Variants in NTM observed in about 807,000 individuals in gnomAD.
NTM encodes the protein neurotrimin.
A neutral mutation model predicts 42.1 loss-of-function variants in NTM; 13 were observed. The ratio of observed to expected loss-of-function variants is 0.31; its 90% CI spans 0.20 to 0.49. NTM has a LOEUF of 0.49. Ranked by LOEUF, NTM falls within the 20% of genes least tolerant of loss-of-function variation. NTM has a pLI of 0.99. For synonymous variants in NTM, 187 were observed against 179.2 expected (o/e 1.04, Z -0.35); for missense variants, 373 against 452.8 (o/e 0.82, Z 1.60).
chr11:131,560,926 G>A (rs2056141511), intron 1 of NTM, among the ~76,000 whole-genome samples: 1 of 152,162 alleles, frequency 6.6e-6, no homozygotes, highest in Admixed American at 6.5e-5. Flanking sequence ...AGTCAGCTCT[G>A]TCTTTCCCAT....
chr11:132,301,950 A>G (rs2094879165), intron 4 of NTM, among the ~76,000 whole-genome samples: 1 of 152,232 alleles, frequency 6.6e-6, no homozygotes. Flanking sequence ...GGGTATGATA[A>G]AAATGATCAC....
intron 3 of NTM, among the ~76,000 whole-genome samples, chr11:132,188,705 C>T (rs1171661387): frequency 6.6e-6 from 1 of 152,250 alleles, no homozygotes; most frequent in East Asian, 1.9e-4. Flanking sequence ...GAGATGGAGA[C>T]CCCTGCATAT....
intron 2 of NTM, among the ~76,000 whole-genome samples, chr11:132,129,375 A>G (rs926343504): frequency 6.6e-6 from 1 of 152,180 alleles, no homozygotes; most frequent in African/African-American, 2.4e-5. Flanking sequence ...TATCCTCAGT[A>G]AGGTAACAAA....
intron 1 of NTM, among the ~76,000 whole-genome samples, chr11:131,380,604 C>T (rs979793267): frequency 6.6e-6 from 1 of 152,152 alleles, no homozygotes; most frequent in Non-Finnish European, 1.5e-5. Flanking sequence ...GACCTATTTA[C>T]ATGTCTATCT....
chr11:132,229,580 G>A (rs1592371850), intron 4 of NTM, among the ~76,000 whole-genome samples: 3 of 152,128 alleles, frequency 2.0e-5, no homozygotes, highest in Admixed American at 1.3e-4. Context: ...GTCTATTAAC[G>A]GTATTTTACA....
intron 1 of NTM, among the ~76,000 whole-genome samples, chr11:131,892,388 T>A (rs1382622619): frequency 6.6e-6 from 1 of 152,270 alleles, no homozygotes; most frequent in Non-Finnish European, 1.5e-5. Context: ...AACCATTTCA[T>A]GAACAAAGTA....
At chr11:131,767,153 C>T (rs930953151) in intron 1 of NTM, 10 of 977,196 alleles carry the variant, frequency 1.0e-5, no homozygotes, top group Admixed American at 6.2e-5. Context: ...TCCAGATTCC[C>T]GATTTACTAA....
chr11:132,055,538 T>TG (rs1422331963), intron 2 of NTM, among the ~76,000 whole-genome samples: 2 of 152,138 alleles, frequency 1.3e-5, no homozygotes, highest in Non-Finnish European at 2.9e-5. Context: ...AGCTGCAGCC[T>TG]GGGACGACAG....
intron 1 of NTM, among the ~76,000 whole-genome samples, chr11:131,512,722 GCCAC>G (rs1279206104): frequency 4.6e-5 from 7 of 152,114 alleles, no homozygotes; most frequent in African/African-American, 1.7e-4. Context: ...TGCTGGCTGG[GCCAC>G]GGGATGCCTG....
At chr11:132,213,494 A>G (rs968447711) in intron 4 of NTM, among the ~76,000 whole-genome samples, 1 of 152,166 alleles carries the variant, frequency 6.6e-6, no homozygotes, top group Non-Finnish European at 1.5e-5. Context: ...ACCGAGGGCT[A>G]TCCACCAGCA....
At chr11:131,766,837 C>T (rs752918847) in intron 1 of NTM, among the ~76,000 whole-genome samples, 3 of 152,144 alleles carry the variant, frequency 2.0e-5, no homozygotes, top group Non-Finnish European at 4.4e-5. Flanking sequence ...GTCACTGCCA[C>T]GTGAGTAACG....
chr11:131,551,475 CT>C (rs1256981743), intron 1 of NTM, among the ~76,000 whole-genome samples: 1 of 151,984 alleles, frequency 6.6e-6, no homozygotes, highest in Non-Finnish European at 1.5e-5. Context: ...TATGATCTCC[CT>C]CTTGGAATTC....
rs993730647 is a variant in NTM at position 132,101,011 on chromosome 11, T to G, written c.168-45271T>G. 2.0e-5 allele frequency among the ~76,000 whole-genome samples: 3 copies of G among 152,212 alleles called. No individual in the cohort carries two copies. The East Asian group carries it at 5.8e-4, about 29-fold the overall frequency. On this transcript the variant is annotated intron_variant, in intron 2 of 8. Coordinates refer to ENST00000683400, the MANE Select transcript of NTM (RefSeq NM_001352005.2). ...GCTCATTTGTATCTGAGTGTTTCAATAAATAAAATGGTCAGGGAAATGAAA... is the reference window on the plus strand; with the variant it reads ...GCTCATTTGTATCTGAGTGTTTCAAGAAATAAAATGGTCAGGGAAATGAAA...
At position 131,910,783 on chromosome 11, in the gene NTM, G is replaced by A. The variant is rs1013776994; in HGVS notation, c.83-781G>A. ...GGCCTCTCCCTCCTCGGCCACCGCC[G>A]CAGCCCCTGCCCCGCCGAGCCCCGC... On this transcript the variant is annotated intron_variant, in intron 1 of 8. Transcript: ENST00000683400. 4.4e-4 allele frequency: 426 copies of A among 960,176 alleles called. No homozygotes were observed. In the African/African-American group the frequency reaches 5.4e-3, roughly 12 times the overall value. The allele number at this position is 960,176 out of a possible 1,614,324, so 59.5% of individuals were successfully genotyped here.
intron 1 of NTM, among the ~76,000 whole-genome samples, chr11:131,380,149 A>G (rs185129810): frequency 5.3e-5 from 8 of 149,738 alleles, no homozygotes; most frequent in Admixed American, 5.3e-4. Flanking sequence ...GCCCCTCTCT[A>G]CCTAGAAAAT....
intron 1 of NTM, among the ~76,000 whole-genome samples, chr11:131,406,356 T>A (rs1242052243): frequency 1.3e-5 from 2 of 152,204 alleles, no homozygotes; most frequent in Non-Finnish European, 2.9e-5. Flanking sequence ...GGTCACTTAT[T>A]AATTTAGTGG....
intron 1 of NTM, among the ~76,000 whole-genome samples, chr11:131,567,099 T>A (rs1039827249): frequency 6.6e-6 from 1 of 152,106 alleles, no homozygotes; most frequent in African/African-American, 2.4e-5. Context: ...GCTCCCGTTC[T>A]ATTTCACCTA....
At chr11:132,069,432 C>T (rs1432185066) in intron 2 of NTM, among the ~76,000 whole-genome samples, 1 of 121,380 alleles carries the variant, frequency 8.2e-6, no homozygotes, top group Non-Finnish European at 1.7e-5. Flanking sequence ...GGTTAGTTAA[C>T]ACGTCACACA....
At chr11:131,538,370 G>T (rs559633854) in intron 1 of NTM, 74 of 152,286 alleles carry the variant, frequency 4.9e-4, no homozygotes, top group African/African-American at 1.7e-3. Context: ...ACTAGCATTG[G>T]TGTCTGCAGA....
Sources: allele counts gnomAD v4.1 joint callset (sites outside exome capture counted in the v4.1 genomes callset), GRCh38; gene constraint gnomAD v4.1.1; transcripts MANE v1.5; gene names NCBI Gene and HGNC (gene_info 2026-07-23, HGNC 2026-07-21).